LSG1: variants seen among roughly 807,000 people sequenced by gnomAD.
LSG1 encodes the protein large subunit GTPase 1 homolog.
Under a neutral mutation model 82.6 loss-of-function variants are expected in LSG1, and 55 were observed. The ratio of observed to expected loss-of-function variants is 0.67; its 90% confidence interval spans 0.54 to 0.83. The LOEUF (loss-of-function observed/expected upper bound fraction) is 0.83. Ranked by LOEUF, LSG1 falls within the 40% of genes least tolerant of loss-of-function variation. The pLI is 0.00. For missense variants in LSG1, 809 were observed against 807.9 expected, an observed-to-expected ratio of 1.00 and a Z score of -0.02; for synonymous variants, 272 against 282.5, an observed-to-expected ratio of 0.96 and a Z score of 0.37.
At position 194,670,065 on chromosome 3, in the gene LSG1, C is replaced by G. The variant is rs760942587; in HGVS notation, c.170G>C (p.Ser57Thr). The G allele has an allele frequency of 3.1e-6, 5 of 1,613,982 alleles. No individual in the cohort carries two copies. In the South Asian group the frequency reaches 5.5e-5, roughly 18 times the overall value. The change falls in exon 2 of 14, where the codon AGC becomes ACC. Residue 57 changes from serine to threonine, a missense_variant. Transcript: ENST00000265245. ...RLNLQSVTEQ[S>T]SLDDFLATAE... ...AGTAGCAAGGAAGTCATCAAGGGAGCTCTGTTCAGTCACTGACTGAAGATT... is the reference window on the plus strand; with the variant it reads ...AGTAGCAAGGAAGTCATCAAGGGAGGTCTGTTCAGTCACTGACTGAAGATT...
rs1402043255 is a variant in LSG1 at position 194,649,421 on chromosome 3, C to T, written c.1420-617G>A. On this transcript the variant is annotated intron_variant, in intron 10 of 13. Transcript: ENST00000265245. Reference sequence around the variant, plus strand: ...TTAAAAGGCCAGGCGTGGTGGCTCACGCCTGTAATCCCAGCATTTTGGGAG... The same window carrying T: ...TTAAAAGGCCAGGCGTGGTGGCTCATGCCTGTAATCCCAGCATTTTGGGAG... 5.9e-5 allele frequency among the ~76,000 whole-genome samples: 9 copies of T among 151,956 alleles called. No homozygotes were observed. In the South Asian group the frequency reaches 6.2e-4, roughly 11 times the overall value.
At chr3:194,657,385 G>C (rs1273836273) in intron 7 of LSG1, among the ~76,000 whole-genome samples, 1 of 151,084 alleles carries the variant, frequency 6.6e-6, no homozygotes, top group African/African-American at 2.4e-5. Flanking sequence ...AAAAGGAACA[G>C]TACTCTCCTA....
At chr3:194,653,263 C>T (rs1184049301) in intron 7 of LSG1, 121 bp from the exon 8 acceptor site, 5 of 1,045,120 alleles carry the variant, frequency 4.8e-6, no homozygotes, top group Non-Finnish European at 7.0e-6. Flanking sequence ...GCCTGTAATC[C>T]CAGCACTTTG....
rs200836514 is a variant in LSG1, at chr3:194,652,962, C to T, written c.940G>A (p.Glu314Lys). ...GAGCACGTCTGCCAGTCGTCTTCCT[C>T]CTCCTCTGGACAGTCCTCATACTCA... The part of the protein sequence containing the change: ...DSEYEDCPEE[E>K]EDDWQTCSEE... The change falls in exon 8 of 14, where the codon GAG becomes AAG. Residue 314 changes from glutamate to lysine, a missense_variant. Physicochemically the swap from Glu to Lys is moderately conservative, Grantham distance 56 (BLOSUM62 1). Coordinates refer to ENST00000265245, the MANE Select transcript of LSG1 (RefSeq NM_018385.3). The T allele has an allele frequency of 1.6e-4, 260 of 1,614,070 alleles. 1 individual carries two copies. Among genetic ancestry groups the T allele is most frequent in the Non-Finnish European group, 2.1e-4 (246 of 1,180,046 alleles).
At position 194,666,566 on chromosome 3, in the gene LSG1, A is replaced by G; in HGVS notation, c.233T>C (p.Leu78Pro). 2 of 1,611,026 alleles carry G rather than the reference A, an allele frequency of 1.2e-6. No homozygotes were observed. The highest frequency in any genetic ancestry group is 2.2e-5 in the South Asian group (2 of 90,822). ...LAGTEFVAEK[L>P]NIKFVPAEAR... ...CTCAGCAGGCACAAACTTAATATTAAGTTTCTCTGTTCAAATAAAGAAAAG... is the reference window on the plus strand; with the variant it reads ...CTCAGCAGGCACAAACTTAATATTAGGTTTCTCTGTTCAAATAAAGAAAAG... The change falls in exon 3 of 14, where the codon CTT (leucine) becomes CCT (proline). Residue 78 changes from leucine (L) to proline (P), a missense_variant. Physicochemically the swap from Leu to Pro is moderately conservative, Grantham distance 98. Coordinates refer to ENST00000265245, the MANE Select transcript of LSG1 (RefSeq NM_018385.3).
At chr3:194,655,448 A>G (rs1718771497) in intron 7 of LSG1, among the ~76,000 whole-genome samples, 1 of 152,220 alleles carries the variant, frequency 6.6e-6, no homozygotes, top group South Asian at 2.1e-4. Flanking sequence ...GAAAGACTGG[A>G]AACAATAGAA....
intron 11 of LSG1, chr3:194,646,501 T>C: frequency 6.3e-6 from 2 of 317,086 alleles, no homozygotes; most frequent in South Asian, 6.9e-5. Context: ...ACTCCAGTTA[T>C]TTCTTCTCTT....
At position 194,659,959 on chromosome 3, in the gene LSG1, C is replaced by T. The variant is rs867528635; in HGVS notation, c.582+114G>A. Reference sequence around the variant, plus strand: ...CTGGCCTTGGAAGGAGGGAAGGCCTCACTAAACGAAGCCAGAGAGGGCAGA... The same window carrying T: ...CTGGCCTTGGAAGGAGGGAAGGCCTTACTAAACGAAGCCAGAGAGGGCAGA... On this transcript the variant is annotated intron_variant, in intron 6 of 13. Transcript: ENST00000265245. The T allele has an allele frequency of 8.1e-6, 7 of 860,286 alleles. No homozygotes were observed. The Middle Eastern group carries it at 8.7e-4, about 107-fold the overall frequency. The allele number at this position is 860,286 out of a possible 1,614,324, so 53.3% of individuals were successfully genotyped here.
At chr3:194,658,492 C>T (rs1718853206) in intron 7 of LSG1, among the ~76,000 whole-genome samples, 1 of 152,124 alleles carries the variant, frequency 6.6e-6, no homozygotes, top group South Asian at 2.1e-4. Flanking sequence ...AAAGCCCAAA[C>T]TACTTTTGCA....
chr3:194,649,127 G>A, intron 10 of LSG1: 1 of 251,540 alleles, frequency 4.0e-6, no homozygotes, highest in East Asian at 1.4e-4. Flanking sequence ...TAAAGCAAGG[G>A]GAGTCTCTGT....
chr3:194,646,254 A>G lies in LSG1; in HGVS notation c.1544-11T>C, dbSNP rs1718550874. On this transcript the variant is annotated splice_polypyrimidine_tract_variant and intron_variant, in intron 11 of 13. Transcript: ENST00000265245. ...TGAATCCTCGCATGTCTGTGGAGAG[A>G]AAAGAATTTTGCAAAATCTTAGATG... 2 of 1,613,152 alleles carry G rather than the reference A, an allele frequency of 1.2e-6. No individual in the cohort carries two copies. Among genetic ancestry groups the G allele is most frequent in the Admixed American group, 1.7e-5 (1 of 59,952 alleles).
rs1703524626 is a variant in LSG1, at chr3:194,666,225, C to T, written c.412G>A (p.Glu138Lys). 6.2e-7 allele frequency: 1 copy of T among 1,614,066 alleles called. No individual in the cohort carries two copies. Among genetic ancestry groups the T allele is most frequent in the Non-Finnish European group, 8.5e-7 (1 of 1,179,958 alleles). Residue 138 changes from glutamate (E) to lysine (K), a missense_variant, in exon 4 of 14, where the codon GAA becomes AAA. Physicochemically the swap from Glu to Lys is moderately conservative, Grantham distance 56. Transcript: ENST00000265245. Reference sequence around the variant, plus strand: ...CACCGGACAAGCTGACGTCTCCATTCTAGAAAGTTATCTTTCTCTGCTTGT... The same window carrying T: ...CACCGGACAAGCTGACGTCTCCATTTTAGAAAGTTATCTTTCTCTGCTTGT... ...LKQAEKDNFLEWRRQLVRLEE... is the reference protein window; with the variant it reads ...LKQAEKDNFLKWRRQLVRLEE...
intron 11 of LSG1, among the ~76,000 whole-genome samples, chr3:194,647,120 A>C (rs1718570466): frequency 1.3e-5 from 2 of 152,212 alleles, no homozygotes; most frequent in African/African-American, 2.4e-5. Flanking sequence ...CACAATATAC[A>C]ACAATAAATT....
rs1394085206 is a variant in LSG1 at position 194,644,662 on chromosome 3, T to C, written c.1708A>G (p.Met570Val). The change falls in exon 13 of 14, where the codon ATG becomes GTG. Residue 570 changes from methionine (M) to valine (V), a missense_variant. By Grantham distance (21) the Met-to-Val change is conservative. Coordinates refer to ENST00000265245, the MANE Select transcript of LSG1 (RefSeq NM_018385.3). ...HQHQRLLENKMNSDEIKMQLG... is the reference protein window; with the variant it reads ...HQHQRLLENKVNSDEIKMQLG... ...TGCATTTTTATTTCATCACTGTTCA[T>C]TTTGTTCTCTAGGAGTCGCTGGTGT... 6.2e-7 allele frequency: 1 copy of C among 1,612,128 alleles called. No individual in the cohort carries two copies. The highest frequency in any genetic ancestry group is 2.2e-5 in the East Asian group (1 of 44,866).
intron 12 of LSG1, among the ~76,000 whole-genome samples, chr3:194,645,603 C>CAG (rs1560219952): frequency 7.7e-6 from 1 of 130,482 alleles, no homozygotes; most frequent in Non-Finnish European, 1.6e-5. Context: ...CACACACACA[C>CAG]ACACACACAC....
intron 13 of LSG1, among the ~76,000 whole-genome samples, chr3:194,643,980 G>C (rs1278541834): frequency 6.6e-6 from 1 of 152,248 alleles, no homozygotes; most frequent in South Asian, 2.1e-4. Flanking sequence ...GTCACGTGAA[G>C]TCTCCAGAAC....
intron 5 of LSG1, among the ~76,000 whole-genome samples, chr3:194,661,792 C>T (rs1362451731): frequency 2.6e-5 from 4 of 152,040 alleles, no homozygotes; most frequent in African/African-American, 9.7e-5. Flanking sequence ...ATTCCTTGAG[C>T]TAGAAAACAT....
chr3:194,641,985 T>C lies in LSG1; in HGVS notation c.*83A>G. The stretch of plus-strand genomic sequence containing the variant: ...GGGCCCGTTCTACAGTGCTAGTGTC[T>C]TGGGACGGTTCCACAGGCAACAGGC... On this transcript the variant is annotated 3_prime_UTR_variant, in exon 14 of 14. Coordinates refer to ENST00000265245, the MANE Select transcript of LSG1 (RefSeq NM_018385.3). 3 of 1,474,180 alleles carry C rather than the reference T, an allele frequency of 2.0e-6. No homozygotes were observed. The highest frequency in any genetic ancestry group is 2.8e-6 in the Non-Finnish European group (3 of 1,077,208). The allele number at this position is 1,474,180 out of a possible 1,614,324, so 91.3% of individuals were successfully genotyped here. A position where few individuals can be genotyped will look rare whatever the true frequency, so the allele number is the denominator to read the frequency against.
At chr3:194,650,214 T>C (rs1718646271) in intron 10 of LSG1, among the ~76,000 whole-genome samples, 1 of 152,232 alleles carries the variant, frequency 6.6e-6, no homozygotes, top group South Asian at 2.1e-4. Context: ...CCACCACACC[T>C]GGCCCCTGCA....
Sources: allele counts gnomAD v4.1 joint callset (sites outside exome capture counted in the v4.1 genomes callset), GRCh38; gene constraint gnomAD v4.1.1; transcripts MANE v1.5; gene names NCBI Gene and HGNC (gene_info 2026-07-23, HGNC 2026-07-21).